The following SERBP1 variants were observed in gnomAD, a reference collection of about 807,000 sequenced individuals.
SERBP1 encodes SERPINE1 mRNA binding protein 1.
A neutral mutation model predicts 50.2 loss-of-function variants in SERBP1; 6 were observed. That is an observed-to-expected ratio of 0.12 (90% CI 0.07 to 0.24). The LOEUF (loss-of-function observed/expected upper bound fraction) is 0.24, where lower values mean the gene tolerates loss of function less well. SERBP1 is among the 10% of genes least tolerant of loss of function. The probability of loss-of-function intolerance (pLI) is 1.00; values close to 1 mark genes in which losing one functional copy is unlikely to be tolerated. For synonymous variants in SERBP1, 168 were observed against 182.8 expected, an observed-to-expected ratio of 0.92 and a Z score of 0.65; for missense variants, 346 against 524.9, an observed-to-expected ratio of 0.66 and a Z score of 3.33.
chr1:67,426,799 T>C (rs918964033), intron 1 of SERBP1, among the ~76,000 whole-genome samples: 1 of 152,002 alleles, frequency 6.6e-6, no homozygotes, highest in Admixed American at 6.5e-5. Context: ...CACTATGTTA[T>C]TCTATCTAAT....
chr1:67,414,061 A>AT (rs1406395327), intron 7 of SERBP1, among the ~76,000 whole-genome samples: 1 of 152,158 alleles, frequency 6.6e-6, no homozygotes, highest in Non-Finnish European at 1.5e-5. Flanking sequence ...AAGTACTGGG[A>AT]TTACAGGCGT....
At chr1:67,423,133 C>G (rs1421635312) in intron 5 of SERBP1, among the ~76,000 whole-genome samples, 1 of 146,188 alleles carries the variant, frequency 6.8e-6, no homozygotes, top group African/African-American at 2.6e-5. Flanking sequence ...GCCAGCTGGT[C>G]TAAAAAATAT....
chr1:67,417,640 G>GT (rs1243089556), intron 6 of SERBP1, among the ~76,000 whole-genome samples: 1 of 151,736 alleles, frequency 6.6e-6, no homozygotes, highest in Non-Finnish European at 1.5e-5. Context: ...AGCCTCCCAG[G>GT]TAACTGAGAC....
rs1217789597 is a variant in SERBP1 at position 67,423,614 on chromosome 1, GA to G, written c.773+585del. Among the ~76,000 whole-genome samples the G allele has an allele frequency of 9.8e-3, 897 of 91,250 alleles. 3 individuals are homozygous for G. Among genetic ancestry groups the G allele is most frequent in the African/African-American group, 0.015 (356 of 24,414 alleles). The allele number at this position is 91,250 out of a possible 152,430, so 59.9% of individuals were successfully genotyped here. ...AGAATGAAATCTTGTCTCAAAAAAA[GA>G]AAAAAAAAAAAAAAGATAGTGAATA... On this transcript the variant is annotated intron_variant, in intron 5 of 7. Transcript: ENST00000361219.
Position 67,430,074 on chromosome 1 carries a change from T to C in SERBP1, c.227A>G (p.Lys76Arg), listed in dbSNP as rs771987401. ...AGKQLRKESQ[K>R]DRKNPLPPSV... is the part of the protein sequence containing the mutation. ...GGGGGGCAGCGGGTTCTTGCGGTCT[T>C]TCTGGGACTCCTTGCGCAGCTGTTT... is the stretch of plus-strand genomic sequence containing the variant. The change falls in exon 1 of 8, where the codon AAA becomes AGA. Residue 76 changes from lysine (K) to arginine (R), a missense_variant. By Grantham distance (26) the Lys-to-Arg change is conservative. Transcript: ENST00000361219. The C allele has an allele frequency of 1.9e-6, 3 of 1,613,564 alleles. No individual in the cohort carries two copies. The highest frequency in any genetic ancestry group is 2.5e-6 in the Non-Finnish European group (3 of 1,179,852).
Position 67,409,838 on chromosome 1 carries a change from T to C in SERBP1, c.*3369A>G, listed in dbSNP as rs552971494. 6.6e-6 allele frequency: 1 copy of C among 152,352 alleles called. No individual in the cohort carries two copies. The highest frequency in any genetic ancestry group is 2.1e-4 in the South Asian group (1 of 4,832). The allele number at this position is 152,352 out of a possible 1,614,324, so 9.4% of individuals were successfully genotyped here. ...AAATCATTTAATTACTATGGTCCAG[T>C]TCAAATATGTATCATTTTACTGCCT... On this transcript the variant is annotated 3_prime_UTR_variant, in exon 8 of 8. Coordinates refer to ENST00000361219, the MANE Select transcript of SERBP1 (RefSeq NM_001018069.2).
chr1:67,417,117 C>CG (rs1387634624), intron 6 of SERBP1: 1 of 152,156 alleles, frequency 6.6e-6, no homozygotes, highest in Non-Finnish European at 1.5e-5. Flanking sequence ...CGCTTGAGCA[C>CG]GGGGAGGTTG....
chr1:67,422,830 G>T (rs745978280), intron 5 of SERBP1, among the ~76,000 whole-genome samples: 2 of 151,546 alleles, frequency 1.3e-5, no homozygotes, highest in Admixed American at 6.6e-5. Context: ...GCGTGGTGAT[G>T]CATGCCTGTA....
At chr1:67,425,005 C>G in intron 3 of SERBP1, 28 bp from the exon 4 acceptor site, 1 of 1,604,940 alleles carries the variant, frequency 6.2e-7, no homozygotes, top group Non-Finnish European at 8.5e-7. Flanking sequence ...ACATAATACT[C>G]TTTAGTTCTA....
chr1:67,415,469 G>A, intron 6 of SERBP1, 130 bp from the exon 7 acceptor site: 2 of 810,862 alleles, frequency 2.5e-6, no homozygotes, highest in Non-Finnish European at 3.7e-6. Context: ...ATGTCTCAAT[G>A]CCTCCACAGG....
At chr1:67,429,699 G>A (rs1015552963) in intron 1 of SERBP1, 21 of 318,836 alleles carry the variant, frequency 6.6e-5, no homozygotes, top group African/African-American at 2.6e-4. Context: ...AGCCTCCCAG[G>A]ACCTCGAGCG....
intron 6 of SERBP1, among the ~76,000 whole-genome samples, chr1:67,419,479 C>T (rs1346271130): frequency 6.6e-6 from 1 of 152,136 alleles, no homozygotes; most frequent in Non-Finnish European, 1.5e-5. Flanking sequence ...CCCACATATA[C>T]TTTGGTTTTT....
intron 1 of SERBP1, among the ~76,000 whole-genome samples, chr1:67,427,171 A>G (rs183800911): frequency 2.5e-4 from 38 of 152,360 alleles, no homozygotes; most frequent in Non-Finnish European, 4.9e-4. Flanking sequence ...ACACACGTTA[A>G]GACCGCTTTT....
At chr1:67,425,008 T>C (rs757624576) in intron 3 of SERBP1, 31 bp from the exon 4 acceptor site, 2 of 1,605,096 alleles carry the variant, frequency 1.2e-6, no homozygotes, top group Admixed American at 1.7e-5. Context: ...TAATACTCTT[T>C]AGTTCTAGAA....
chr1:67,428,524 T>G (rs1016975422), intron 1 of SERBP1, among the ~76,000 whole-genome samples: 2 of 152,330 alleles, frequency 1.3e-5, no homozygotes, highest in Admixed American at 1.3e-4. Context: ...TCAGCGTTAC[T>G]TAACACACGA....
In SERBP1 at chr1:67,410,383, C is replaced by CCTT. The variant is rs1431563548; in HGVS notation, c.*2821_*2823dup. 2 of 152,040 alleles carry CCTT rather than the reference C, an allele frequency of 1.3e-5. No homozygotes were observed. The highest frequency in any genetic ancestry group is 4.8e-5 in the African/African-American group (2 of 41,326). The allele number at this position is 152,040 out of a possible 1,614,324, so 9.4% of individuals were successfully genotyped here. ...AATTAGAATGAATACTTAATATCCT[C>CCTT]CTTTTAAATCCATACCAAAAACAAG... is the stretch of plus-strand genomic sequence containing the variant. On this transcript the variant is annotated 3_prime_UTR_variant, in exon 8 of 8. Coordinates refer to ENST00000361219, the MANE Select transcript of SERBP1 (RefSeq NM_001018069.2).
rs754666645 is a variant in SERBP1 at position 67,424,300 on chromosome 1, T to C, written c.696-23A>G. 1.6e-5 allele frequency: 26 copies of C among 1,609,704 alleles called. No homozygotes were observed. Among genetic ancestry groups the C allele is most frequent in the Non-Finnish European group, 2.0e-5 (24 of 1,178,278 alleles). On this transcript the variant is annotated intron_variant, in intron 4 of 7. Transcript: ENST00000361219. ...TCACTGTAATTATAAGATATTTGTTTCTGAATGTATTTGGGGGACTCTCTA... is the reference window on the plus strand; with the variant it reads ...TCACTGTAATTATAAGATATTTGTTCCTGAATGTATTTGGGGGACTCTCTA...
In SERBP1 at chr1:67,430,048, T is replaced by C. The variant is rs1329404865; in HGVS notation, c.253A>G (p.Ser85Gly). The C allele has an allele frequency of 1.2e-6, 2 of 1,613,538 alleles. No individual in the cohort carries two copies. The highest frequency in any genetic ancestry group is 1.1e-5 in the South Asian group (1 of 91,054). The stretch of plus-strand genomic sequence containing the variant: ...TCTTTCTTGTCAACCACGCCAACGC[T>C]GGGGGGCAGCGGGTTCTTGCGGTCT... ...QKDRKNPLPP[S>G]VGVVDKKEET... Residue 85 changes from serine (S) to glycine (G), a missense_variant, in exon 1 of 8, where the codon AGC becomes GGC. Around this residue, in one of 5 missense-constraint regions of SERBP1, gnomAD observed 257 missense variants for 331.2 expected, o/e 0.78. Coordinates refer to ENST00000361219, the MANE Select transcript of SERBP1 (RefSeq NM_001018069.2).
chr1:67,415,131 A>G, intron 7 of SERBP1, 35 bp downstream of exon 7: 1 of 1,535,644 alleles, frequency 6.5e-7, no homozygotes, highest in South Asian at 1.3e-5. Context: ...AGAGGTCCTT[A>G]AATTATGTAA....
Sources: allele counts gnomAD v4.1 joint callset (sites outside exome capture counted in the v4.1 genomes callset), GRCh38; gene constraint gnomAD v4.1.1; regional missense constraint gnomAD v4.1.1; transcripts MANE v1.5; gene names NCBI Gene and HGNC (gene_info 2026-07-23, HGNC 2026-07-21).